NTNG1: variants seen among roughly 807,000 people sequenced by gnomAD.
The protein encoded by NTNG1 is netrin-G1.
Under a neutral mutation model 54.0 loss-of-function variants are expected in NTNG1, and 16 were observed. The observed-to-expected ratio is 0.30, with a 90% CI of 0.20 to 0.45. The LOEUF (loss-of-function observed/expected upper bound fraction) is 0.45, where lower values mean the gene tolerates loss of function less well. Among genes scored for constraint, NTNG1 ranks in the 20% least tolerant of loss-of-function variants. The pLI, the probability that NTNG1 is intolerant of heterozygous loss-of-function variation, is 1.00. For synonymous variants in NTNG1, 255 were observed against 263.1 expected (o/e 0.97, Z 0.30); for missense variants, 530 against 678.7 (o/e 0.78, Z 2.43).
At chr1:107,222,948 T>C (rs1230129446) in intron 2 of NTNG1, among the ~76,000 whole-genome samples, 1 of 151,910 alleles carries the variant, frequency 6.6e-6, no homozygotes, top group Admixed American at 6.6e-5. Context: ...AAATTATAGA[T>C]GGGAGAAAGG....
intron 3 of NTNG1, among the ~76,000 whole-genome samples, chr1:107,328,350 C>G (rs1668084093): frequency 6.6e-6 from 1 of 151,972 alleles, no homozygotes; most frequent in South Asian, 2.1e-4. Flanking sequence ...CAGGGTAATA[C>G]TACAATAATA....
chr1:107,395,450 C>A (rs775910577), intron 4 of NTNG1, 124 bp downstream of exon 4: 10 of 937,076 alleles, frequency 1.1e-5, no homozygotes, highest in Non-Finnish European at 1.2e-5. Context: ...TAAAGTGCAG[C>A]GAAAGTTTCA....
At chr1:107,419,410 G>GGAAAAGA (rs1553244019) in intron 5 of NTNG1, among the ~76,000 whole-genome samples, 1 of 149,784 alleles carries the variant, frequency 6.7e-6, no homozygotes, top group African/African-American at 2.5e-5. Context: ...TGTCAAAGAA[G>GGAAAAGA]AAAAAGAAAA....
At chr1:107,287,330 C>A (rs1255164377) in intron 2 of NTNG1, among the ~76,000 whole-genome samples, 1 of 152,202 alleles carries the variant, frequency 6.6e-6, no homozygotes, top group Non-Finnish European at 1.5e-5. Context: ...TTCATCACTA[C>A]TTTGTTGATT....
At chr1:107,262,005 T>C (rs931768575) in intron 2 of NTNG1, among the ~76,000 whole-genome samples, 1 of 152,178 alleles carries the variant, frequency 6.6e-6, no homozygotes, top group Non-Finnish European at 1.5e-5. Context: ...TTACTCTGAT[T>C]GAGGAAAATA....
intron 2 of NTNG1, among the ~76,000 whole-genome samples, chr1:107,166,459 T>G (rs1355331732): frequency 6.6e-6 from 1 of 152,144 alleles, no homozygotes; most frequent in South Asian, 2.1e-4. Flanking sequence ...TGCAATAATG[T>G]AGGTGAAGGT....
intron 5 of NTNG1, among the ~76,000 whole-genome samples, chr1:107,426,390 G>C (rs566737273): frequency 1.8e-4 from 27 of 151,992 alleles, no homozygotes; most frequent in African/African-American, 6.0e-4. Flanking sequence ...TGCATATTGC[G>C]AGCCAGTTTT....
intron 3 of NTNG1, among the ~76,000 whole-genome samples, chr1:107,345,179 G>A (rs1171334700): frequency 1.3e-5 from 2 of 152,122 alleles, no homozygotes; most frequent in Admixed American, 6.5e-5. Flanking sequence ...ATTTACCTGG[G>A]AATTTAAATG....
chr1:107,198,777 C>T (rs1051697104), intron 2 of NTNG1, among the ~76,000 whole-genome samples: 5 of 151,726 alleles, frequency 3.3e-5, no homozygotes, highest in African/African-American at 4.8e-5. Flanking sequence ...TTTCATAGGG[C>T]GTTTGGCTCT....
At chr1:107,293,997 G>GA (rs998140642) in intron 2 of NTNG1, among the ~76,000 whole-genome samples, 3 of 152,138 alleles carry the variant, frequency 2.0e-5, no homozygotes, top group Admixed American at 2.0e-4. Flanking sequence ...AAAGGATTCT[G>GA]AAAAGAAAGA....
chr1:107,171,405 T>TC (rs958890804), intron 2 of NTNG1, among the ~76,000 whole-genome samples: 2 of 152,166 alleles, frequency 1.3e-5, no homozygotes, highest in Non-Finnish European at 2.9e-5. Context: ...AACAGCTTTT[T>TC]CTCTTCCTCC....
At chr1:107,442,434 C>T (rs1020132278) in intron 7 of NTNG1, among the ~76,000 whole-genome samples, 2 of 152,058 alleles carry the variant, frequency 1.3e-5, no homozygotes, top group Non-Finnish European at 2.9e-5. Flanking sequence ...GAGACCTCTA[C>T]ATTAACCAAC....
chr1:107,438,027 T>A (rs943320274), intron 7 of NTNG1, among the ~76,000 whole-genome samples: 3 of 152,188 alleles, frequency 2.0e-5, no homozygotes, highest in African/African-American at 7.2e-5. Context: ...TAGCAACTTT[T>A]ATATTCTATA....
intron 2 of NTNG1, among the ~76,000 whole-genome samples, chr1:107,229,111 T>C (rs1214121977): frequency 6.6e-6 from 1 of 151,950 alleles, no homozygotes; most frequent in African/African-American, 2.4e-5. Context: ...GCTAGACTGA[T>C]TGGAACTGCT....
At chr1:107,249,550 T>A (rs764533736) in intron 2 of NTNG1, among the ~76,000 whole-genome samples, 25 of 151,990 alleles carry the variant, frequency 1.6e-4, no homozygotes, top group Non-Finnish European at 1.2e-4. Flanking sequence ...TCTAAGACAC[T>A]ATTATTTGCA....
At chr1:107,321,041 T>C (rs532816613) in intron 2 of NTNG1, among the ~76,000 whole-genome samples, 61 of 152,284 alleles carry the variant, frequency 4.0e-4, no homozygotes, top group African/African-American at 1.4e-3. Flanking sequence ...TTGTTCTCAA[T>C]CAGCTCAAAT....
chr1:107,361,740 G>A (rs2100952365), intron 3 of NTNG1, among the ~76,000 whole-genome samples: 1 of 152,182 alleles, frequency 6.6e-6, no homozygotes, highest in East Asian at 1.9e-4. Flanking sequence ...CCTGTTGAAA[G>A]CTGATGTCAT....
chr1:107,370,165 T>C (rs1670828813), intron 3 of NTNG1, among the ~76,000 whole-genome samples: 1 of 151,916 alleles, frequency 6.6e-6, no homozygotes, highest in South Asian at 2.1e-4. Context: ...AGCTTTGTTC[T>C]TTGTAAAAAT....
chr1:107,257,291 A>C (rs1453324689), intron 2 of NTNG1, among the ~76,000 whole-genome samples: 1 of 152,230 alleles, frequency 6.6e-6, no homozygotes, highest in Non-Finnish European at 1.5e-5. Context: ...TATTTTTGTT[A>C]AAAGTATCCC....
Sources: allele counts gnomAD v4.1 joint callset (sites outside exome capture counted in the v4.1 genomes callset), GRCh38; gene constraint gnomAD v4.1.1; transcripts MANE v1.5; gene names NCBI Gene and HGNC (gene_info 2026-07-23, HGNC 2026-07-21).